Variants in TIMP2 observed in about 807,000 individuals in gnomAD.
TIMP2 encodes the protein TIMP metallopeptidase inhibitor 2, also known as metalloproteinase inhibitor 2.
In TIMP2, 5 loss-of-function variants were observed where a neutral mutation model predicts 24.3. The observed-to-expected ratio is 0.21, with a 90% CI of 0.11 to 0.43. TIMP2 has a LOEUF of 0.43. TIMP2 is among the 20% of genes least tolerant of loss of function. The pLI is 1.00. For synonymous variants in TIMP2, 130 were observed against 123.2 expected (o/e 1.06, Z -0.37); for missense variants, 221 against 297.5 (o/e 0.74, Z 1.89).
intron 3 of TIMP2, among the ~76,000 whole-genome samples, chr17:78,864,205 C>G (rs1231540897): frequency 2.0e-5 from 3 of 152,256 alleles, no homozygotes; most frequent in East Asian, 3.9e-4. Flanking sequence ...CTCAGCCTCC[C>G]AAGTAGCTAG....
intron 1 of TIMP2, among the ~76,000 whole-genome samples, chr17:78,923,223 T>C (rs1026760411): frequency 4.6e-5 from 7 of 151,964 alleles, no homozygotes; most frequent in African/African-American, 1.2e-4. Flanking sequence ...GCGCTGAGCA[T>C]GAAGGAGGCG....
rs542742113 is a variant in TIMP2 at position 78,876,737 on chromosome 17, G to C, written c.131-2818C>G. Among the ~76,000 whole-genome samples the C allele has an allele frequency of 4.0e-5, 6 of 151,580 alleles. No homozygotes were observed. In the South Asian group the frequency reaches 1.3e-3, roughly 32 times the overall value. On this transcript the variant is annotated intron_variant, in intron 1 of 4. Transcript: ENST00000262768. ...AGACAGGGTTTTAGCATGTTGGCCA[G>C]GCTGGTCTCGAACTCCTGACCTCAA...
In TIMP2 at chr17:78,891,801, C is replaced by G; in HGVS notation, c.131-17882G>C. ...CGAGGATGGATGGCACAGCGGCCAC[C>G]CCCAGACTTGGTCGAAGGTTCTGGC... On this transcript the variant is annotated intron_variant, in intron 1 of 4. Transcript: ENST00000262768. The surrounding 1 kb of genome is among the most constrained non-coding windows in gnomAD (Gnocchi z 4.5). 1 of 1,551,048 alleles carries G rather than the reference C, an allele frequency of 6.4e-7. No homozygotes were observed. Among genetic ancestry groups the G allele is most frequent in the Non-Finnish European group, 8.7e-7 (1 of 1,147,090 alleles).
rs940579377 is a variant in TIMP2 at position 78,924,593 on chromosome 17, T to G, written c.130+366A>C. Among the ~76,000 whole-genome samples, 12 of 151,574 alleles carry G rather than the reference T, an allele frequency of 7.9e-5. No homozygotes were observed. Among genetic ancestry groups the G allele is most frequent in the African/African-American group, 2.9e-4 (12 of 41,368 alleles). On this transcript the variant is annotated intron_variant, in intron 1 of 4. Transcript: ENST00000262768. The surrounding 1 kb of genome is among the most constrained non-coding windows in gnomAD (Gnocchi z 5.3). Reference sequence around the variant, plus strand: ...AGTTTCTTCCTGGGGTCCCCAGTCCTCCAGCCCCCCGCCCCCACGCCGTGT... The same window carrying G: ...AGTTTCTTCCTGGGGTCCCCAGTCCGCCAGCCCCCCGCCCCCACGCCGTGT...
At chr17:78,870,403 G>A (rs56019347) in intron 3 of TIMP2, among the ~76,000 whole-genome samples, 35,703 of 138,378 alleles carry the variant, frequency 0.26, 5,659 homozygotes, top group Admixed American at 0.36. Context: ...GCGACAGAGC[G>A]ACACTCTGTC....
chr17:78,918,285 G>A (rs1003853238), intron 1 of TIMP2, among the ~76,000 whole-genome samples: 3 of 152,232 alleles, frequency 2.0e-5, no homozygotes, highest in African/African-American at 7.2e-5. Context: ...CTGGGCTCCA[G>A]TCTGACCTGG....
At chr17:78,876,724 AGCAT>A (rs981329570) in intron 1 of TIMP2, among the ~76,000 whole-genome samples, 3 of 149,634 alleles carry the variant, frequency 2.0e-5, no homozygotes, top group Admixed American at 1.3e-4. Context: ...ACAGGGTTTT[AGCAT>A]GTTGGCCAGG....
At chr17:78,888,783 G>A (rs1450983039) in intron 1 of TIMP2, among the ~76,000 whole-genome samples, 2 of 152,196 alleles carry the variant, frequency 1.3e-5, no homozygotes, top group East Asian at 3.8e-4. Flanking sequence ...ATGGAAAAGG[G>A]AGGTAGCGCA....
intron 1 of TIMP2, among the ~76,000 whole-genome samples, chr17:78,879,208 C>T (rs146433250): frequency 1.3e-3 from 198 of 152,300 alleles, no homozygotes; most frequent in African/African-American, 4.6e-3. Flanking sequence ...GATAGGAACA[C>T]AGAGAAGGAG....
intron 1 of TIMP2, among the ~76,000 whole-genome samples, chr17:78,881,578 C>T (rs939857315): frequency 6.6e-5 from 10 of 152,370 alleles, no homozygotes; most frequent in Admixed American, 6.5e-5. Flanking sequence ...GAGCCGCAGA[C>T]GTCTTCTGAG....
intron 1 of TIMP2, among the ~76,000 whole-genome samples, chr17:78,886,640 CA>C (rs2069827674): frequency 6.6e-6 from 1 of 152,102 alleles, no homozygotes; most frequent in Admixed American, 6.5e-5. Flanking sequence ...GAGCCTATAG[CA>C]AATTGTGGAG....
intron 1 of TIMP2, among the ~76,000 whole-genome samples, chr17:78,877,019 A>G (rs1356168332): frequency 6.6e-6 from 1 of 152,168 alleles, no homozygotes; most frequent in East Asian, 1.9e-4. Context: ...CTGTCTGCTC[A>G]GGGCCCTGGG....
At chr17:78,898,939 T>G (rs2070045041) in intron 1 of TIMP2, 1 of 152,258 alleles carries the variant, frequency 6.6e-6, no homozygotes, top group Admixed American at 6.5e-5. Flanking sequence ...GGTTTCACCA[T>G]GCCGGCCAGG....
At position 78,870,899 on chromosome 17, in the gene TIMP2, T is replaced by C; in HGVS notation, c.339A>G (p.Ala113=). 2 of 1,613,026 alleles carry C rather than the reference T, an allele frequency of 1.2e-6. No individual in the cohort carries two copies. Among genetic ancestry groups the C allele is most frequent in the Non-Finnish European group, 1.7e-6 (2 of 1,179,236 alleles). ...DVGGKKEYLI[A]GKAEGDGKMH... ...GCTGATGGCCCCACTCATACACACCTGCAATGAGATATTCCTTCTTTCCTC... is the reference window on the plus strand; with the variant it reads ...GCTGATGGCCCCACTCATACACACCCGCAATGAGATATTCCTTCTTTCCTC... The change falls in exon 3 of 5, where the codon GCA becomes GCG. Residue 113 remains alanine, a splice_region_variant and synonymous_variant. Transcript: ENST00000262768.
Position 78,891,068 on chromosome 17 carries a change from G to T in TIMP2, c.131-17149C>A. The T allele has an allele frequency of 1.3e-6, 2 of 1,550,982 alleles. 1 individual carries two copies. The highest frequency in any genetic ancestry group is 2.4e-5 in the South Asian group (2 of 84,058). On this transcript the variant is annotated intron_variant, in intron 1 of 4. Transcript: ENST00000262768. The surrounding 1 kb of genome is among the most constrained non-coding windows in gnomAD (Gnocchi z 4.5). Reference sequence around the variant, plus strand: ...GAGCTGAAGGGAGCCCTCTGCCAGCGTGCCCAGTTTGGGGGTCTCTTGTCC... The same window carrying T: ...GAGCTGAAGGGAGCCCTCTGCCAGCTTGCCCAGTTTGGGGGTCTCTTGTCC...
Position 78,920,185 on chromosome 17 carries a change from G to T in TIMP2, c.130+4774C>A, listed in dbSNP as rs2070298656. The stretch of plus-strand genomic sequence containing the variant: ...TCTCAGTCTCCCAGGAGTCATCTAT[G>T]CCCTGTTCTCCATGTGCTCAGATGT... On this transcript the variant is annotated intron_variant, in intron 1 of 4. Coordinates refer to ENST00000262768, the MANE Select transcript of TIMP2 (RefSeq NM_003255.5). The surrounding 1 kb of genome is among the most constrained non-coding windows in gnomAD (Gnocchi z 4.5). Among the ~76,000 whole-genome samples, 1 of 152,162 alleles carries T rather than the reference G, an allele frequency of 6.6e-6. No homozygotes were observed. Among genetic ancestry groups the T allele is most frequent in the Non-Finnish European group, 1.5e-5 (1 of 68,028 alleles).
At position 78,855,523 on chromosome 17, in the gene TIMP2, A is replaced by AG; in HGVS notation, c.*143dup. The AG allele has an allele frequency of 6.2e-6, 6 of 973,682 alleles. No homozygotes were observed. The highest frequency in any genetic ancestry group is 2.6e-5 in the East Asian group (1 of 37,988). 60.3% of individuals were successfully genotyped at this position (973,682 alleles called of 1,614,324 possible). On this transcript the variant is annotated 3_prime_UTR_variant, in exon 5 of 5. Coordinates refer to ENST00000262768, the MANE Select transcript of TIMP2 (RefSeq NM_003255.5). The surrounding 1 kb of genome is among the most constrained non-coding windows in gnomAD (Gnocchi z 6.0). ...ACCCACAACCATGTCTAAAAGGAGAAGGGGGGAGCAGAATCATATTAATTT... is the reference window on the plus strand; with the variant it reads ...ACCCACAACCATGTCTAAAAGGAGAAGGGGGGGAGCAGAATCATATTAATTT...
rs557294192 is a variant in TIMP2, at chr17:78,893,745, C to T, written c.131-19826G>A. On this transcript the variant is annotated intron_variant, in intron 1 of 4. Transcript: ENST00000262768. ...GAGAAGCTGGTGTTAGCTCTCTCTT[C>T]ATGACTCCCAGCTCTTTCCTTTTAT... Among the ~76,000 whole-genome samples the T allele has an allele frequency of 2.6e-5, 4 of 152,188 alleles. No homozygotes were observed. The East Asian group carries it at 5.8e-4, about 22-fold the overall frequency.
intron 1 of TIMP2, among the ~76,000 whole-genome samples, chr17:78,917,079 C>T (rs543726323): frequency 3.9e-5 from 6 of 152,220 alleles, no homozygotes; most frequent in South Asian, 2.1e-4. Context: ...GGTGAAACCC[C>T]GTCTCTACTA....
Sources: gnomAD v4.1 joint callset for allele counts (sites outside exome capture counted in the v4.1 genomes callset) on GRCh38, gnomAD v4.1.1 for gene constraint, Gnocchi (gnomAD v3.1) non-coding constraint, MANE v1.5 for transcripts, NCBI Gene and HGNC (gene_info 2026-07-23, HGNC 2026-07-21) for gene names.